NOTCH2NLC: variants seen among roughly 807,000 people sequenced by gnomAD.
The protein encoded by NOTCH2NLC is notch homolog 2 N-terminal-like protein C.
Under a neutral mutation model 17.7 loss-of-function variants are expected in NOTCH2NLC, and 4 were observed. The observed-to-expected ratio is 0.23, with a 90% CI of 0.11 to 0.52. NOTCH2NLC has a LOEUF of 0.52. Ranked by LOEUF, NOTCH2NLC falls within the 20% of genes least tolerant of loss-of-function variation. NOTCH2NLC has a pLI of 0.96. For missense variants in NOTCH2NLC, 57 were observed against 207.2 expected, an observed-to-expected ratio of 0.28 and a Z score of 4.45; for synonymous variants, 18 against 86.0, an observed-to-expected ratio of 0.21 and a Z score of 4.38.
At chr1:149,424,090 C>T (rs1339708401) in intron 1 of NOTCH2NLC, among the ~76,000 whole-genome samples, 3 of 151,184 alleles carry the variant, frequency 2.0e-5, no homozygotes, top group African/African-American at 7.3e-5. Flanking sequence ...AAGATTCCAT[C>T]AAGTCTGGAT....
intron 1 of NOTCH2NLC, among the ~76,000 whole-genome samples, chr1:149,413,096 C>T (rs1170897258): frequency 2.0e-5 from 3 of 149,754 alleles, no homozygotes; most frequent in Admixed American, 6.7e-5. Context: ...TTAGTAGAGA[C>T]GTGGTTTCAC....
intron 1 of NOTCH2NLC, among the ~76,000 whole-genome samples, chr1:149,416,220 G>C (rs1259442510): frequency 1.1e-5 from 1 of 91,176 alleles, no homozygotes; most frequent in Non-Finnish European, 2.2e-5. Flanking sequence ...CCTAAATTGG[G>C]ATTCAACATC....
At chr1:149,440,028 G>T (rs1229279812) in intron 2 of NOTCH2NLC, among the ~76,000 whole-genome samples, 14 of 148,928 alleles carry the variant, frequency 9.4e-5, no homozygotes, top group African/African-American at 3.5e-4. Context: ...TTCAACTAGA[G>T]CATTCTATCC....
chr1:149,393,069 C>CAAAAAAAAAA (rs1158506660), intron 1 of NOTCH2NLC, among the ~76,000 whole-genome samples: 25 of 43,068 alleles, frequency 5.8e-4, no homozygotes, highest in African/African-American at 2.0e-3. Context: ...GACTCCGTCT[C>CAAAAAAAAAA]AAAAAAAAAA....
At chr1:149,437,211 G>A (rs2084487502) in intron 2 of NOTCH2NLC, among the ~76,000 whole-genome samples, 1 of 142,708 alleles carries the variant, frequency 7.0e-6, no homozygotes, top group South Asian at 2.2e-4. Context: ...AGGCAAGTAA[G>A]GCACAGGCCT....
intron 1 of NOTCH2NLC, among the ~76,000 whole-genome samples, chr1:149,419,764 G>A (rs1324965220): frequency 2.7e-5 from 4 of 146,978 alleles, no homozygotes; most frequent in African/African-American, 1.0e-4. Context: ...CCCAGGTTGT[G>A]TTGATGTGGG....
At chr1:149,447,219 A>G (rs1397724512) in intron 2 of NOTCH2NLC, among the ~76,000 whole-genome samples, 9 of 150,560 alleles carry the variant, frequency 6.0e-5, no homozygotes, top group Non-Finnish European at 1.3e-4. Context: ...AGGGTCTGTT[A>G]TTTCTGACTG....
chr1:149,425,943 A>T, intron 1 of NOTCH2NLC, among the ~76,000 whole-genome samples: 1 of 150,148 alleles, frequency 6.7e-6, no homozygotes, highest in South Asian at 2.1e-4. Context: ...AAAACAGCTG[A>T]GTAGTTTACT....
chr1:149,437,186 G>T lies in NOTCH2NLC; in HGVS notation c.209+6171G>T, dbSNP rs2084487321. 1.4e-5 allele frequency among the ~76,000 whole-genome samples: 2 copies of T among 144,716 alleles called. 1 individual carries two copies. The highest frequency in any genetic ancestry group is 5.2e-5 in the African/African-American group (2 of 38,698). 94.9% of individuals were successfully genotyped at this position (144,716 alleles called of 152,430 possible). A position where few individuals can be genotyped will look rare whatever the true frequency, so the allele number is the denominator to read the frequency against. ...ACAGGGGCTGCCAGTGAATGGCAGG[G>T]CTGGGACCATGGTGAGGCAAGTAAG... On this transcript the variant is annotated intron_variant, in intron 2 of 4. Transcript: ENST00000650865.
intron 3 of NOTCH2NLC, 119 bp downstream of exon 3, chr1:149,455,696 TTA>T: frequency 1.1e-6 from 1 of 912,356 alleles, no homozygotes; most frequent in Middle Eastern, 2.3e-4. Flanking sequence ...ACATTTAACA[TTA>T]TGATAAGGAA....
chr1:149,400,069 C>G (rs1160939796), intron 1 of NOTCH2NLC, among the ~76,000 whole-genome samples: 1 of 144,890 alleles, frequency 6.9e-6, no homozygotes, highest in African/African-American at 2.5e-5. Context: ...TGGTATACGT[C>G]TTTGGTTTTT....
chr1:149,460,311 T>A (rs2084634789), intron 3 of NOTCH2NLC, among the ~76,000 whole-genome samples: 1 of 149,550 alleles, frequency 6.7e-6, no homozygotes, highest in East Asian at 2.0e-4. Flanking sequence ...CTTTTTGGTG[T>A]GTTCTGCAAG....
chr1:149,390,627 T>C lies in NOTCH2NLC; in HGVS notation c.-161T>C, dbSNP rs1470125319. The C allele has an allele frequency of 2.7e-6, 3 of 1,101,570 alleles. 1 individual carries two copies. Among genetic ancestry groups the C allele is most frequent in the African/African-American group, 3.4e-5 (2 of 59,168 alleles). 68.2% of individuals were successfully genotyped at this position (1,101,570 alleles called of 1,614,324 possible). Reference sequence around the variant, plus strand: ...ACACCCGAGAAAGTTTCAGCCAAACTTCGGGCGGCGGCTGAGGCGGCGGCC... The same window carrying C: ...ACACCCGAGAAAGTTTCAGCCAAACCTCGGGCGGCGGCTGAGGCGGCGGCC... On this transcript the variant is annotated 5_prime_UTR_variant, in exon 1 of 5. Transcript: ENST00000650865.
chr1:149,464,050 GA>G, intron 4 of NOTCH2NLC, 26 bp from the exon 5 acceptor site: 3 of 437,568 alleles, frequency 6.9e-6, no homozygotes, highest in Admixed American at 1.0e-4. Context: ...TGAGTGGCTA[GA>G]AAATTGTTTA....
In NOTCH2NLC at chr1:149,437,137, AC is replaced by A. The variant is rs2084486759; in HGVS notation, c.209+6123del. ...CAGAGTAAAGCCAAGTATGAAAAAA[AC>A]TGACTATAATGTGGCCTTCTGTACA... On this transcript the variant is annotated intron_variant, in intron 2 of 4. Coordinates refer to ENST00000650865, the MANE Select transcript of NOTCH2NLC (RefSeq NM_001364013.2). Among the ~76,000 whole-genome samples the A allele has an allele frequency of 1.4e-5, 2 of 143,132 alleles. 1 individual carries two copies. The highest frequency in any genetic ancestry group is 3.1e-5 in the Non-Finnish European group (2 of 65,310). The allele number at this position is 143,132 out of a possible 152,430, so 93.9% of individuals were successfully genotyped here.
intron 1 of NOTCH2NLC, among the ~76,000 whole-genome samples, chr1:149,415,875 C>A (rs1301730478): frequency 1.3e-5 from 2 of 149,638 alleles, no homozygotes; most frequent in African/African-American, 4.9e-5. Context: ...ATTTCTATCA[C>A]CAAATACCCT....
rs1410142009 is a variant in NOTCH2NLC, at chr1:149,460,875, CT to C, written c.470-2613del. 4.1e-4 allele frequency among the ~76,000 whole-genome samples: 41 copies of C among 100,216 alleles called. No individual in the cohort carries two copies. In the South Asian group the frequency reaches 4.9e-3, roughly 12 times the overall value. The allele number at this position is 100,216 out of a possible 152,430, so 65.7% of individuals were successfully genotyped here. A position where few individuals can be genotyped will look rare whatever the true frequency, so the allele number is the denominator to read the frequency against. Reference sequence around the variant, plus strand: ...TCTCCCTTTCTTTCTTTCTTTCTTTCTTTCTTTCTTTCTTTCTTTCTTTCTT... The same window carrying C: ...TCTCCCTTTCTTTCTTTCTTTCTTTCTTCTTTCTTTCTTTCTTTCTTTCTT... On this transcript the variant is annotated intron_variant, in intron 3 of 4. Transcript: ENST00000650865.
chr1:149,415,955 A>C (rs1487612742), intron 1 of NOTCH2NLC, among the ~76,000 whole-genome samples: 5 of 151,096 alleles, frequency 3.3e-5, no homozygotes, highest in Non-Finnish European at 5.9e-5. Flanking sequence ...ACTTTAATTT[A>C]TCTCCCATTT....
At chr1:149,413,219 T>G (rs1480800745) in intron 1 of NOTCH2NLC, among the ~76,000 whole-genome samples, 1 of 150,966 alleles carries the variant, frequency 6.6e-6, no homozygotes, top group Non-Finnish European at 1.5e-5. Flanking sequence ...GATGTCTGAC[T>G]TTTTAGCCCT....
Sources: allele counts gnomAD v4.1 joint callset (sites outside exome capture counted in the v4.1 genomes callset), GRCh38; gene constraint gnomAD v4.1.1; transcripts MANE v1.5; gene names NCBI Gene and HGNC (gene_info 2026-07-23, HGNC 2026-07-21).